The following CDK5RAP2 variants were observed in gnomAD, a reference collection of about 807,000 sequenced individuals.
The protein encoded by CDK5RAP2 is CDK5 regulatory subunit associated protein 2, also known as CDK5 regulatory subunit-associated protein 2.
CDK5RAP2 carries 147 observed loss-of-function variants against 232.9 expected under a neutral mutation model. That is an observed-to-expected ratio of 0.63 (90% CI 0.55 to 0.72). The LOEUF is 0.72. Ranked by LOEUF, CDK5RAP2 falls within the 30% of genes least tolerant of loss-of-function variation. The pLI is 0.00. For missense variants in CDK5RAP2, 2,195 were observed against 2,231.5 expected (o/e 0.98, Z 0.33); for synonymous variants, 833 against 833.7 (o/e 1.00, Z 0.01).
At chr9:120,514,035 A>G (rs1040015652) in intron 12 of CDK5RAP2, among the ~76,000 whole-genome samples, 2 of 152,218 alleles carry the variant, frequency 1.3e-5, no homozygotes, top group African/African-American at 2.4e-5. Flanking sequence ...AAGACCTGGT[A>G]TAAAACAGTC....
chr9:120,437,275 G>T lies in CDK5RAP2; in HGVS notation c.3955+20C>A. 1 of 1,554,346 alleles carries T rather than the reference G, an allele frequency of 6.4e-7. No individual in the cohort carries two copies. The highest frequency in any genetic ancestry group is 8.8e-7 in the Non-Finnish European group (1 of 1,133,126). On this transcript the variant is annotated intron_variant, in intron 25 of 37. Coordinates refer to ENST00000349780, the MANE Select transcript of CDK5RAP2 (RefSeq NM_018249.6). ...GTCAATTACTGATGTCTTAAGACTC[G>T]CGTACCTCACCCTACCTACCGTTGA...
At chr9:120,445,537 G>A (rs951045904) in intron 22 of CDK5RAP2, among the ~76,000 whole-genome samples, 11 of 152,158 alleles carry the variant, frequency 7.2e-5, no homozygotes, top group African/African-American at 2.4e-4. Flanking sequence ...CACGGAAACA[G>A]CTCCCTTCAA....
At position 120,503,624 on chromosome 9, in the gene CDK5RAP2, G is replaced by A. The variant is rs1368401940; in HGVS notation, c.1312-12147C>T. On this transcript the variant is annotated intron_variant, in intron 12 of 37. Coordinates refer to ENST00000349780, the MANE Select transcript of CDK5RAP2 (RefSeq NM_018249.6). ...ACTGCTAACTGGCAGTGTGACCAGAGATGGATAACTTAAATCTTTCTGAGT... is the reference window on the plus strand; with the variant it reads ...ACTGCTAACTGGCAGTGTGACCAGAAATGGATAACTTAAATCTTTCTGAGT... Among the ~76,000 whole-genome samples, 8 of 152,232 alleles carry A rather than the reference G, an allele frequency of 5.3e-5. No individual in the cohort carries two copies. The South Asian group carries it at 1.7e-3, about 32-fold the overall frequency.
At chr9:120,439,350 A>G in intron 24 of CDK5RAP2, 49 bp downstream of exon 24, 2 of 1,464,696 alleles carry the variant, frequency 1.4e-6, no homozygotes, top group Non-Finnish European at 1.9e-6. Flanking sequence ...TAGTGGCAAT[A>G]CTGGGGGACT....
intron 27 of CDK5RAP2, 152 bp from the exon 28 acceptor site, chr9:120,415,311 GAGCTATTTCCCAC>G: frequency 2.4e-6 from 2 of 824,714 alleles, no homozygotes; most frequent in Non-Finnish European, 4.0e-6. Context: ...TGGGGAGGGT[GAGCTATTTCCCAC>G]AGCCCACAGA....
At chr9:120,415,391 T>C (rs1352473022) in intron 27 of CDK5RAP2, among the ~76,000 whole-genome samples, 1 of 152,176 alleles carries the variant, frequency 6.6e-6, no homozygotes, top group African/African-American at 2.4e-5. Context: ...TTACATCACA[T>C]AGAAAAAATT....
Position 120,524,984 on chromosome 9 carries a change from A to G in CDK5RAP2, c.1092+2T>C. 1.2e-6 allele frequency: 2 copies of G among 1,611,072 alleles called. No individual in the cohort carries two copies. Among genetic ancestry groups the G allele is most frequent in the South Asian group, 1.1e-5 (1 of 91,036 alleles). ...AGCCACTTAAGCCAAGTGTACACTTACCTGAAATTCCTGGGTCTGTGCTTT... is the reference window on the plus strand; with the variant it reads ...AGCCACTTAAGCCAAGTGTACACTTGCCTGAAATTCCTGGGTCTGTGCTTT... On this transcript the variant is annotated splice_donor_variant, in intron 11 of 37. Coordinates refer to ENST00000349780, the MANE Select transcript of CDK5RAP2 (RefSeq NM_018249.6). LOFTEE classifies it high-confidence loss of function.
At chr9:120,438,412 A>AT (rs1192128107) in intron 24 of CDK5RAP2, among the ~76,000 whole-genome samples, 1 of 152,212 alleles carries the variant, frequency 6.6e-6, no homozygotes, top group East Asian at 1.9e-4. Flanking sequence ...AGATTACATG[A>AT]TACCAGCATT....
chr9:120,560,899 G>A (rs940270293), intron 3 of CDK5RAP2, among the ~76,000 whole-genome samples: 14 of 151,924 alleles, frequency 9.2e-5, no homozygotes, highest in Admixed American at 7.9e-4. Context: ...TTACAGATGT[G>A]AGCCACCGCA....
chr9:120,515,064 G>C (rs1052918179), intron 12 of CDK5RAP2, among the ~76,000 whole-genome samples: 2 of 149,666 alleles, frequency 1.3e-5, no homozygotes, highest in African/African-American at 4.9e-5. Flanking sequence ...GAGAGACAGA[G>C]AGAGAGAGAG....
intron 12 of CDK5RAP2, among the ~76,000 whole-genome samples, chr9:120,511,838 C>A (rs1030604500): frequency 2.0e-5 from 3 of 150,446 alleles, no homozygotes; most frequent in Non-Finnish European, 4.4e-5. Flanking sequence ...CCCAGGTTCA[C>A]GTGATTCTCC....
intron 18 of CDK5RAP2, among the ~76,000 whole-genome samples, chr9:120,465,966 G>A (rs1011028885): frequency 6.6e-6 from 1 of 152,142 alleles, no homozygotes; most frequent in Non-Finnish European, 1.5e-5. Context: ...ACTTCCAAAC[G>A]TTAATTAACT....
intron 4 of CDK5RAP2, among the ~76,000 whole-genome samples, chr9:120,548,551 A>C (rs896148832): frequency 2.0e-5 from 3 of 152,248 alleles, no homozygotes; most frequent in Non-Finnish European, 4.4e-5. Flanking sequence ...CACACCTGTA[A>C]GTCCCAACAC....
intron 20 of CDK5RAP2, among the ~76,000 whole-genome samples, chr9:120,458,105 G>T (rs1008283484): frequency 6.6e-6 from 1 of 152,170 alleles, no homozygotes; most frequent in Non-Finnish European, 1.5e-5. Context: ...AACTACAATG[G>T]TATTTTTTAA....
chr9:120,547,279 C>T (rs574981256), intron 4 of CDK5RAP2, among the ~76,000 whole-genome samples: 5 of 152,056 alleles, frequency 3.3e-5, no homozygotes, highest in African/African-American at 1.2e-4. Flanking sequence ...CGTGAGCCAC[C>T]GCATCCGGCC....
intron 8 of CDK5RAP2, 27 bp downstream of exon 8, chr9:120,529,951 C>G (rs2041074480): frequency 6.2e-7 from 1 of 1,611,406 alleles, no homozygotes; most frequent in Non-Finnish European, 8.5e-7. Context: ...CTAATTAAAG[C>G]CCCCTCTTCA....
chr9:120,575,322 G>C (rs1225188626), intron 1 of CDK5RAP2, among the ~76,000 whole-genome samples: 1 of 152,102 alleles, frequency 6.6e-6, no homozygotes, highest in African/African-American at 2.4e-5. Flanking sequence ...CAAAGTGCTA[G>C]GATTACAGGC....
chr9:120,411,214 GCTGC>G (rs2033825108), intron 29 of CDK5RAP2, 140 bp downstream of exon 29: 2 of 712,218 alleles, frequency 2.8e-6, no homozygotes, highest in East Asian at 5.0e-5. Context: ...ACCTCACAGG[GCTGC>G]TGTGACAATT....
At chr9:120,555,752 C>T (rs1460213111) in intron 3 of CDK5RAP2, among the ~76,000 whole-genome samples, 1 of 152,196 alleles carries the variant, frequency 6.6e-6, no homozygotes, top group Admixed American at 6.5e-5. Context: ...AAAACCTGTA[C>T]ATAAATGTTT....
Sources: gnomAD v4.1 joint callset for allele counts (sites outside exome capture counted in the v4.1 genomes callset) on GRCh38, gnomAD v4.1.1 for gene constraint, MANE v1.5 for transcripts, NCBI Gene and HGNC (gene_info 2026-07-23, HGNC 2026-07-21) for gene names.